Variants in PSD3 observed in about 807,000 individuals in gnomAD.
The protein encoded by PSD3 is PH and SEC7 domain-containing protein 3.
A neutral mutation model predicts 105.5 loss-of-function variants in PSD3; 49 were observed. The ratio of observed to expected loss-of-function variants is 0.46; its 90% CI spans 0.37 to 0.59. PSD3 has a LOEUF of 0.59. Among genes scored for constraint, PSD3 ranks in the 20% least tolerant of loss-of-function variants. PSD3 has a pLI of 0.00. For synonymous variants in PSD3, 557 were observed against 457.8 expected (o/e 1.22, Z -2.77); for missense variants, 1,561 against 1,263.8 (o/e 1.24, Z -3.57).
At chr8:19,042,554 C>T (rs898685125) in intron 1 of PSD3, among the ~76,000 whole-genome samples, 3 of 152,128 alleles carry the variant, frequency 2.0e-5, no homozygotes, top group African/African-American at 4.8e-5. Context: ...TAAAGTTGAC[C>T]ATGTCTGGAT....
chr8:18,651,410 T>G (rs1171611029), intron 10 of PSD3, among the ~76,000 whole-genome samples: 2 of 152,244 alleles, frequency 1.3e-5, no homozygotes, highest in Non-Finnish European at 2.9e-5. Context: ...TCCTACAAAC[T>G]TTGTAGCATC....
intron 4 of PSD3, among the ~76,000 whole-genome samples, chr8:18,819,060 A>C (rs959558991): frequency 1.6e-5 from 1 of 63,198 alleles, no homozygotes; most frequent in Non-Finnish European, 4.3e-5. Flanking sequence ...AGTGAACTGG[A>C]GAACTTCCCG....
intron 4 of PSD3, among the ~76,000 whole-genome samples, chr8:18,828,072 T>TTTC (rs1563319802): frequency 6.9e-6 from 1 of 144,516 alleles, no homozygotes; most frequent in Non-Finnish European, 1.5e-5. Context: ...TATATATTTT[T>TTTC]TTTTTTTTAC....
intron 1 of PSD3, among the ~76,000 whole-genome samples, chr8:19,060,306 G>C (rs1391068537): frequency 6.6e-6 from 1 of 152,180 alleles, no homozygotes; most frequent in Non-Finnish European, 1.5e-5. Flanking sequence ...AAGAGATTTT[G>C]CTATCAATAC....
At chr8:18,651,278 C>A (rs1808456571) in intron 10 of PSD3, among the ~76,000 whole-genome samples, 2 of 152,134 alleles carry the variant, frequency 1.3e-5, no homozygotes, top group African/African-American at 4.8e-5. Flanking sequence ...ATATAAAAAC[C>A]TATAAGGTTT....
At chr8:18,960,455 G>C (rs1325341973) in intron 1 of PSD3, among the ~76,000 whole-genome samples, 4 of 152,114 alleles carry the variant, frequency 2.6e-5, no homozygotes, top group African/African-American at 9.7e-5. Flanking sequence ...GAGTAATAAA[G>C]CAGAAACCAT....
intron 8 of PSD3, among the ~76,000 whole-genome samples, chr8:18,791,368 T>A (rs1809702522): frequency 6.6e-6 from 1 of 152,096 alleles, no homozygotes; most frequent in South Asian, 2.1e-4. Flanking sequence ...ATGGTACTGG[T>A]ACAAGAATGA....
chr8:18,649,781 T>C (rs1400945092), intron 10 of PSD3, among the ~76,000 whole-genome samples: 1 of 152,206 alleles, frequency 6.6e-6, no homozygotes, highest in Non-Finnish European at 1.5e-5. Context: ...TTTGGTGCTG[T>C]TCTCATGGTA....
intron 1 of PSD3, among the ~76,000 whole-genome samples, chr8:18,950,058 C>T (rs937477742): frequency 6.6e-6 from 1 of 152,142 alleles, no homozygotes; most frequent in African/African-American, 2.4e-5. Flanking sequence ...GTTCTGAGGG[C>T]AGTCAATAGG....
chr8:19,015,142 T>C (rs1338761331), upstream of PSD3, among the ~76,000 whole-genome samples: 1 of 152,114 alleles, frequency 6.6e-6, no homozygotes, highest in Non-Finnish European at 1.5e-5. Context: ...GGGCGGGTCT[T>C]TCCTGGGCTG....
chr8:18,690,049 A>G (rs1324612991), intron 9 of PSD3, among the ~76,000 whole-genome samples: 1 of 152,162 alleles, frequency 6.6e-6, no homozygotes, highest in Non-Finnish European at 1.5e-5. Context: ...TATTCCACGA[A>G]CACATATCTC....
At chr8:18,720,553 G>C (rs1032270755) in intron 9 of PSD3, among the ~76,000 whole-genome samples, 2 of 152,150 alleles carry the variant, frequency 1.3e-5, no homozygotes, top group Non-Finnish European at 2.9e-5. Context: ...AAGATCTTGA[G>C]TGGGACATAA....
chr8:18,892,426 T>G (rs1235160034), intron 2 of PSD3, among the ~76,000 whole-genome samples: 1 of 151,840 alleles, frequency 6.6e-6, no homozygotes, highest in Non-Finnish European at 1.5e-5. Flanking sequence ...AGTTTCACCA[T>G]GTTAGCCAGG....
At chr8:18,914,862 T>G (rs1820479502) in intron 2 of PSD3, among the ~76,000 whole-genome samples, 1 of 152,156 alleles carries the variant, frequency 6.6e-6, no homozygotes, top group African/African-American at 2.4e-5. Context: ...AATTCTAAAA[T>G]TCATACAGAA....
At chr8:18,710,265 G>A (rs1452108009) in intron 9 of PSD3, among the ~76,000 whole-genome samples, 1 of 152,098 alleles carries the variant, frequency 6.6e-6, no homozygotes, top group Non-Finnish European at 1.5e-5. Context: ...CTATGTTGCT[G>A]AAGTAAGACA....
intron 9 of PSD3, among the ~76,000 whole-genome samples, chr8:18,746,948 A>T (rs764474544): frequency 5.9e-5 from 9 of 152,222 alleles, no homozygotes; most frequent in Non-Finnish European, 1.3e-4. Context: ...TTAGGCATGG[A>T]TATTTTCTCA....
intron 9 of PSD3, among the ~76,000 whole-genome samples, chr8:18,658,578 A>G (rs1809073371): frequency 6.8e-6 from 1 of 147,090 alleles, no homozygotes; most frequent in African/African-American, 2.5e-5. Context: ...GCTGGAGTAC[A>G]GTGGTGCAGT....
Position 18,991,371 on chromosome 8 carries a change from CAT to C in PSD3, c.21+22190_21+22191del, listed in dbSNP as rs1361496368. Reference sequence around the variant, plus strand: ...ACACACATACACACACACACACACACATACACACACACACACACACACACACA... The same window carrying C: ...ACACACATACACACACACACACACACACACACACACACACACACACACACA... On this transcript the variant is annotated intron_variant, in intron 1 of 15. Transcript: ENST00000327040. 7.0e-3 allele frequency among the ~76,000 whole-genome samples: 302 copies of C among 43,072 alleles called. 2 individuals are homozygous for C. Among genetic ancestry groups the C allele is most frequent in the South Asian group, 0.024 (32 of 1,336 alleles). The allele number at this position is 43,072 out of a possible 152,430, so 28.3% of individuals were successfully genotyped here. A position where few individuals can be genotyped will look rare whatever the true frequency, so the allele number is the denominator to read the frequency against.
intron 1 of PSD3, among the ~76,000 whole-genome samples, chr8:19,049,690 CAAAAA>C (rs10584051): frequency 0.026 from 1,698 of 64,322 alleles, 47 homozygotes; most frequent in African/African-American, 0.081. Flanking sequence ...GACCCTGTCT[CAAAAA>C]AAAAAAAAAA....
Sources: allele counts gnomAD v4.1 joint callset (sites outside exome capture counted in the v4.1 genomes callset), GRCh38; gene constraint gnomAD v4.1.1; transcripts MANE v1.5; gene names NCBI Gene and HGNC (gene_info 2026-07-23, HGNC 2026-07-21).